The following FBN2 variants were observed in gnomAD, a reference collection of about 807,000 sequenced individuals.
FBN2 encodes fibrillin 2.
In FBN2, 105 loss-of-function variants were observed where a neutral mutation model predicts 355.6. The observed-to-expected ratio is 0.30, with a 90% confidence interval of 0.25 to 0.35. The LOEUF is 0.35. Ranked by LOEUF, FBN2 falls within the 10% of genes least tolerant of loss-of-function variation. The pLI is 1.00. For synonymous variants in FBN2, 1,350 were observed against 1,301.2 expected (o/e 1.04, Z -0.81); for missense variants, 3,280 against 3,758.7 (o/e 0.87, Z 3.33).
At chr5:128,296,080 A>G (rs1001070481) in intron 48 of FBN2, among the ~76,000 whole-genome samples, 6 of 152,334 alleles carry the variant, frequency 3.9e-5, no homozygotes, top group African/African-American at 9.6e-5. Context: ...CCTTTTCTGC[A>G]TCTTTTGAGA....
At chr5:128,429,568 C>A (rs1238738518) in intron 7 of FBN2, among the ~76,000 whole-genome samples, 6 of 152,092 alleles carry the variant, frequency 3.9e-5, no homozygotes, top group African/African-American at 1.4e-4. Context: ...AGGATCTATA[C>A]ACAACGTAAC....
At chr5:128,461,773 T>G (rs1224416039) in intron 6 of FBN2, among the ~76,000 whole-genome samples, 2 of 151,382 alleles carry the variant, frequency 1.3e-5, no homozygotes, top group Non-Finnish European at 2.9e-5. Flanking sequence ...ACACCACATG[T>G]TCTCACTCAT....
chr5:128,329,478 C>T (rs1031545038), intron 33 of FBN2, among the ~76,000 whole-genome samples: 2 of 152,068 alleles, frequency 1.3e-5, no homozygotes, highest in South Asian at 2.1e-4. Flanking sequence ...TCACTGAATT[C>T]ACCAATCTCC....
intron 8 of FBN2, among the ~76,000 whole-genome samples, chr5:128,406,482 G>C (rs1228804530): frequency 6.6e-6 from 1 of 152,084 alleles, no homozygotes; most frequent in East Asian, 1.9e-4. Context: ...CTTAAAAGAA[G>C]TACTTTATGG....
At chr5:128,463,503 C>T (rs1754613969) in intron 6 of FBN2, among the ~76,000 whole-genome samples, 1 of 152,118 alleles carries the variant, frequency 6.6e-6, no homozygotes, top group African/African-American at 2.4e-5. Flanking sequence ...CCCTTGGTAT[C>T]TCCGTAGTTC....
At chr5:128,308,301 G>A (rs1474543136) in intron 41 of FBN2, among the ~76,000 whole-genome samples, 1 of 152,058 alleles carries the variant, frequency 6.6e-6, no homozygotes, top group Non-Finnish European at 1.5e-5. Flanking sequence ...GAGTTTTAAA[G>A]TTGAGAATTG....
At chr5:128,413,901 A>G (rs1170224971) in intron 7 of FBN2, among the ~76,000 whole-genome samples, 1 of 152,216 alleles carries the variant, frequency 6.6e-6, no homozygotes, top group East Asian at 1.9e-4. Context: ...ATTTTTGCAT[A>G]CACTGAACTT....
intron 7 of FBN2, among the ~76,000 whole-genome samples, chr5:128,430,875 T>C (rs184868533): frequency 2.9e-3 from 444 of 151,278 alleles, no homozygotes; most frequent in Non-Finnish European, 4.9e-3. Flanking sequence ...AATAAATAAA[T>C]AAATAAATAA....
chr5:128,271,200 A>G (rs1279726809), intron 62 of FBN2, among the ~76,000 whole-genome samples: 3 of 152,214 alleles, frequency 2.0e-5, no homozygotes, highest in African/African-American at 7.2e-5. Context: ...AGTAATTTGA[A>G]TTACTACACA....
At chr5:128,357,829 G>A (rs1193540747) in intron 19 of FBN2, among the ~76,000 whole-genome samples, 1 of 152,100 alleles carries the variant, frequency 6.6e-6, no homozygotes, top group Non-Finnish European at 1.5e-5. Context: ...TTAATTCCAA[G>A]CTCTTGGGTA....
intron 8 of FBN2, among the ~76,000 whole-genome samples, chr5:128,399,264 A>C (rs1226119278): frequency 6.6e-6 from 1 of 152,216 alleles, no homozygotes; most frequent in Non-Finnish European, 1.5e-5. Flanking sequence ...AGGTGGAAAA[A>C]CAAGACAGAT....
intron 5 of FBN2, among the ~76,000 whole-genome samples, chr5:128,493,568 C>T (rs1379303594): frequency 6.6e-6 from 1 of 152,028 alleles, no homozygotes; most frequent in African/African-American, 2.4e-5. Context: ...TCATAAAGGG[C>T]CTTCTATATC....
intron 5 of FBN2, among the ~76,000 whole-genome samples, chr5:128,474,443 A>T (rs1037004852): frequency 1.5e-4 from 23 of 152,216 alleles, no homozygotes; most frequent in Non-Finnish European, 2.8e-4. Context: ...GGGAAAAGTG[A>T]CACGTACTCA....
Position 128,302,799 on chromosome 5 carries a change from G to C in FBN2, c.5917+174C>G, listed in dbSNP as rs1195328082. On this transcript the variant is annotated intron_variant, in intron 46 of 64. Transcript: ENST00000262464. The stretch of plus-strand genomic sequence containing the variant: ...AGTATATTGTCTTGTGACAATTTAG[G>C]CCAATACTATGGTTTCAGTTAACTA... Among the ~76,000 whole-genome samples, 3 of 152,062 alleles carry C rather than the reference G, an allele frequency of 2.0e-5. No individual in the cohort carries two copies. The East Asian group carries it at 5.8e-4, about 29-fold the overall frequency.
At chr5:128,335,062 T>A in intron 30 of FBN2, 108 bp downstream of exon 30, 1 of 1,515,128 alleles carries the variant, frequency 6.6e-7, no homozygotes. Context: ...ATGATTTGAA[T>A]TTTTAAAATA....
At chr5:128,380,595 GAGA>G (rs1369988946) in intron 11 of FBN2, among the ~76,000 whole-genome samples, 2 of 152,068 alleles carry the variant, frequency 1.3e-5, no homozygotes, top group Admixed American at 1.3e-4. Flanking sequence ...CTAGTACACA[GAGA>G]AGATGTAATC....
chr5:128,297,603 T>C (rs1749561801), intron 48 of FBN2, among the ~76,000 whole-genome samples: 2 of 152,214 alleles, frequency 1.3e-5, no homozygotes, highest in Admixed American at 6.5e-5. Context: ...GCCTTCTTTG[T>C]CTCTTTTGAT....
At chr5:128,349,680 A>G (rs879597368) in intron 22 of FBN2, among the ~76,000 whole-genome samples, 1 of 152,194 alleles carries the variant, frequency 6.6e-6, no homozygotes, top group Non-Finnish European at 1.5e-5. Flanking sequence ...TCCATAAAAC[A>G]TGGCCCAGAC....
rs1397124226 is a variant in FBN2, at chr5:128,259,113, G to A, written c.*342C>T. 2 of 231,290 alleles carry A rather than the reference G, an allele frequency of 8.6e-6. No individual in the cohort carries two copies. Among genetic ancestry groups the A allele is most frequent in the Non-Finnish European group, 1.7e-5 (2 of 120,204 alleles). 14.3% of individuals were successfully genotyped at this position (231,290 alleles called of 1,614,324 possible). A position where few individuals can be genotyped will look rare whatever the true frequency, so the allele number is the denominator to read the frequency against. On this transcript the variant is annotated 3_prime_UTR_variant, in exon 65 of 65. Coordinates refer to ENST00000262464, the MANE Select transcript of FBN2 (RefSeq NM_001999.4). ...GCAACTATAGCAAAATACCCAAAGT[G>A]TTACAGACTGCTAACAGGAAAAAAA...
Sources: gnomAD v4.1 joint callset for allele counts (sites outside exome capture counted in the v4.1 genomes callset) on GRCh38, gnomAD v4.1.1 for gene constraint, MANE v1.5 for transcripts, NCBI Gene and HGNC (gene_info 2026-07-23, HGNC 2026-07-21) for gene names.